TMTC2: variants seen among roughly 807,000 people sequenced by gnomAD.
TMTC2 encodes protein O-mannosyl-transferase TMTC2.
TMTC2 carries 43 observed loss-of-function variants against 82.4 expected under a neutral mutation model. The ratio of observed to expected loss-of-function variants is 0.52; its 90% CI spans 0.41 to 0.67. TMTC2 has a LOEUF of 0.67. Among genes scored for constraint, TMTC2 ranks in the 30% least tolerant of loss-of-function variants. The pLI, the probability that TMTC2 is intolerant of heterozygous loss-of-function variation, is 0.00. For synonymous variants in TMTC2, 408 were observed against 381.9 expected, an observed-to-expected ratio of 1.07 and a Z score of -0.80; for missense variants, 919 against 1,012.4, an observed-to-expected ratio of 0.91 and a Z score of 1.25.
chr12:82,886,676 T>C (rs949120840), intron 2 of TMTC2, among the ~76,000 whole-genome samples: 1 of 152,212 alleles, frequency 6.6e-6, no homozygotes, highest in African/African-American at 2.4e-5. Flanking sequence ...ATCTTGTCTG[T>C]TAGTTGGTGT....
chr12:83,120,240 A>G (rs1387318382), intron 11 of TMTC2, among the ~76,000 whole-genome samples: 1 of 151,870 alleles, frequency 6.6e-6, no homozygotes, highest in African/African-American at 2.4e-5. Flanking sequence ...TTTTTGTTTT[A>G]TAGGTTCTGT....
chr12:82,843,877 G>A (rs558157502), intron 1 of TMTC2, among the ~76,000 whole-genome samples: 14 of 152,290 alleles, frequency 9.2e-5, no homozygotes, highest in Non-Finnish European at 1.8e-4. Context: ...GAACCCAGGA[G>A]GCGGAGGATG....
intron 1 of TMTC2, among the ~76,000 whole-genome samples, chr12:82,827,484 G>T (rs1263396990): frequency 6.6e-6 from 1 of 152,090 alleles, no homozygotes; most frequent in African/African-American, 2.4e-5. Flanking sequence ...GGCTTAAGTG[G>T]GGAACATCTC....
intron 1 of TMTC2, among the ~76,000 whole-genome samples, chr12:82,843,775 C>T (rs1054834155): frequency 6.6e-6 from 1 of 151,930 alleles, no homozygotes; most frequent in Non-Finnish European, 1.5e-5. Context: ...TGGTGAAACC[C>T]CGTCTCTACT....
At chr12:82,796,663 C>G (rs11115430) in intron 1 of TMTC2, among the ~76,000 whole-genome samples, 16,957 of 152,120 alleles carry the variant, frequency 0.11, 1,143 homozygotes, top group Middle Eastern at 0.23. Context: ...ACAGCCTCCT[C>G]CTCAGCAGCC....
At chr12:83,057,225 A>G (rs1378865177) in intron 10 of TMTC2, among the ~76,000 whole-genome samples, 2 of 151,924 alleles carry the variant, frequency 1.3e-5, no homozygotes, top group Non-Finnish European at 2.9e-5. Context: ...GCCCCCGAAC[A>G]GTTTGAGGCC....
intron 7 of TMTC2, among the ~76,000 whole-genome samples, chr12:82,968,840 A>G (rs566723887): frequency 6.6e-6 from 1 of 152,270 alleles, no homozygotes; most frequent in South Asian, 2.1e-4. Flanking sequence ...CTCATTTTCC[A>G]TTAGAGAAGG....
At chr12:82,858,689 G>T (rs541677298) in intron 2 of TMTC2, among the ~76,000 whole-genome samples, 25 of 149,600 alleles carry the variant, frequency 1.7e-4, no homozygotes, top group Non-Finnish European at 3.6e-4. Flanking sequence ...TCTCTGCTGT[G>T]CTTTTTCTCT....
intron 11 of TMTC2, 130 bp downstream of exon 11, chr12:83,061,961 C>A: frequency 1.5e-6 from 1 of 665,152 alleles, no homozygotes; most frequent in Non-Finnish European, 2.4e-6. Flanking sequence ...TTCTCCCTTT[C>A]TCTCTCTGAG....
chr12:82,960,238 T>TCA (rs1877855786), intron 4 of TMTC2, among the ~76,000 whole-genome samples: 1 of 151,880 alleles, frequency 6.6e-6, no homozygotes, highest in Non-Finnish European at 1.5e-5. Context: ...TCGAAGAACT[T>TCA]AAAACAGAAC....
At chr12:82,854,542 C>A (rs531176699) in intron 1 of TMTC2, among the ~76,000 whole-genome samples, 1 of 151,964 alleles carries the variant, frequency 6.6e-6, no homozygotes, top group South Asian at 2.1e-4. Context: ...AAGTAGTAGA[C>A]AAAAATTCAT....
At position 82,719,069 on chromosome 12, in the gene TMTC2, A is replaced by G. The variant is rs1163266330; in HGVS notation, c.83+31400A>G. 5.8e-5 allele frequency among the ~76,000 whole-genome samples: 4 copies of G among 69,174 alleles called. No homozygotes were observed. In the East Asian group the frequency reaches 1.8e-3, roughly 31 times the overall value. 45.4% of individuals were successfully genotyped at this position (69,174 alleles called of 152,430 possible). On this transcript the variant is annotated intron_variant, in intron 1 of 11. Coordinates refer to ENST00000321196, the MANE Select transcript of TMTC2 (RefSeq NM_152588.3). The stretch of plus-strand genomic sequence containing the variant: ...CAGCTTTAGATGATTTTATATATAT[A>G]TATATATATATATATATTTTTTTTT...
At chr12:82,744,581 T>TAAAAAAAAAAAAAAA (rs369793885) in intron 1 of TMTC2, among the ~76,000 whole-genome samples, 1 of 115,518 alleles carries the variant, frequency 8.7e-6, no homozygotes, top group African/African-American at 3.2e-5. Flanking sequence ...ACTCTGACTC[T>TAAAAAAAAAAAAAAA]AAAAAAAAAA....
At chr12:83,040,968 G>A (rs1029130113) in intron 9 of TMTC2, among the ~76,000 whole-genome samples, 1 of 152,140 alleles carries the variant, frequency 6.6e-6, no homozygotes, top group African/African-American at 2.4e-5. Flanking sequence ...ACAGGCATGA[G>A]CCACCGCACC....
chr12:83,094,871 T>C (rs891559640), intron 11 of TMTC2, among the ~76,000 whole-genome samples: 1 of 152,184 alleles, frequency 6.6e-6, no homozygotes, highest in African/African-American at 2.4e-5. Context: ...AAGTTGATTA[T>C]TGGGTATCCT....
chr12:82,902,217 G>A (rs772936622), intron 3 of TMTC2, among the ~76,000 whole-genome samples: 1 of 151,466 alleles, frequency 6.6e-6, no homozygotes, highest in Non-Finnish European at 1.5e-5. Flanking sequence ...ATGACACTCT[G>A]TTGGGGTCCC....
chr12:83,119,492 C>T (rs1354004120), intron 11 of TMTC2, among the ~76,000 whole-genome samples: 1 of 152,090 alleles, frequency 6.6e-6, no homozygotes, highest in Non-Finnish European at 1.5e-5. Flanking sequence ...TTCTATTCCA[C>T]TGTGGTGTGA....
chr12:82,847,478 A>G (rs1870748225), intron 1 of TMTC2, among the ~76,000 whole-genome samples: 1 of 152,160 alleles, frequency 6.6e-6, no homozygotes, highest in Admixed American at 6.5e-5. Flanking sequence ...TCATGCTGCT[A>G]TAAAGACACA....
At chr12:82,713,371 A>C (rs1235848067) in intron 1 of TMTC2, among the ~76,000 whole-genome samples, 1 of 152,066 alleles carries the variant, frequency 6.6e-6, no homozygotes, top group Non-Finnish European at 1.5e-5. Flanking sequence ...AGAGAGAAAG[A>C]GTTTATGAAT....
Sources: allele counts gnomAD v4.1 joint callset (sites outside exome capture counted in the v4.1 genomes callset), GRCh38; gene constraint gnomAD v4.1.1; transcripts MANE v1.5; gene names NCBI Gene and HGNC (gene_info 2026-07-23, HGNC 2026-07-21).